The following ERO1B variants were observed in gnomAD, a reference collection of about 807,000 sequenced individuals.
ERO1B encodes the protein endoplasmic reticulum oxidoreductase 1 beta, also known as ERO1-like protein beta.
A neutral mutation model predicts 75.3 loss-of-function variants in ERO1B; 49 were observed. The ratio of observed to expected loss-of-function variants is 0.65; its 90% CI spans 0.52 to 0.83. The LOEUF is 0.83. ERO1B is among the 40% of genes least tolerant of loss of function. The pLI, the probability that ERO1B is intolerant of heterozygous loss-of-function variation, is 0.00. For missense variants in ERO1B, 512 were observed against 560.1 expected (o/e 0.91, Z 0.87); for synonymous variants, 191 against 192.9 (o/e 0.99, Z 0.08).
chr1:236,233,880 A>AG (rs1664476894), intron 8 of ERO1B, among the ~76,000 whole-genome samples: 1 of 152,260 alleles, frequency 6.6e-6, no homozygotes, highest in East Asian at 1.9e-4. Flanking sequence ...GGAGGCCTAG[A>AG]GGTGAGGAAG....
chr1:236,230,611 CAAAAAAAAAAA>C (rs397983348), intron 9 of ERO1B, among the ~76,000 whole-genome samples: 1 of 58,600 alleles, frequency 1.7e-5, no homozygotes, highest in East Asian at 3.9e-4. Flanking sequence ...GACCCTGTCT[CAAAAAAAAAAA>C]AAAAAAAAAA....
At chr1:236,222,061 G>T (rs368330068) in intron 13 of ERO1B, 51 bp from the exon 14 acceptor site, 1 of 1,344,160 alleles carries the variant, frequency 7.4e-7, no homozygotes, top group Non-Finnish European at 1.1e-6. Context: ...AAATTGAACC[G>T]CATTTGGCTA....
chr1:236,274,990 T>C (rs1342143862), intron 1 of ERO1B, among the ~76,000 whole-genome samples: 2 of 152,148 alleles, frequency 1.3e-5, no homozygotes, highest in Non-Finnish European at 2.9e-5. Flanking sequence ...GGGACAGCAT[T>C]CCAGGCATTG....
At chr1:236,273,347 C>T (rs1665639371) in intron 1 of ERO1B, among the ~76,000 whole-genome samples, 1 of 152,152 alleles carries the variant, frequency 6.6e-6, no homozygotes, top group African/African-American at 2.4e-5. Flanking sequence ...AGAATTCTGG[C>T]CCCCAGAACT....
At chr1:236,244,567 G>C (rs1028923684) in intron 5 of ERO1B, among the ~76,000 whole-genome samples, 2 of 152,158 alleles carry the variant, frequency 1.3e-5, no homozygotes, top group South Asian at 4.1e-4. Context: ...GTTGAAAGTA[G>C]TGAAGAACAA....
At chr1:236,240,165 A>C (rs959567295) in intron 6 of ERO1B, among the ~76,000 whole-genome samples, 1 of 152,116 alleles carries the variant, frequency 6.6e-6, no homozygotes, top group African/African-American at 2.4e-5. Flanking sequence ...TCAGCCTCCC[A>C]AAGTGCTGGG....
intron 2 of ERO1B, among the ~76,000 whole-genome samples, chr1:236,253,967 T>C (rs1665101199): frequency 1.3e-5 from 2 of 152,166 alleles, no homozygotes; most frequent in South Asian, 2.1e-4. Flanking sequence ...TCCAGAGAAC[T>C]GTAATAGTGA....
intron 11 of ERO1B, 25 bp downstream of exon 11, chr1:236,226,622 A>T: frequency 6.2e-7 from 1 of 1,601,752 alleles, no homozygotes; most frequent in South Asian, 1.1e-5. Context: ...TAGAAGGCAA[A>T]ATCTCGACTT....
chr1:236,267,917 A>G (rs1389646929), intron 2 of ERO1B: 2 of 152,072 alleles, frequency 1.3e-5, no homozygotes, highest in South Asian at 2.1e-4. Flanking sequence ...CACTCCTCGC[A>G]TCGACCTGGT....
At chr1:236,231,656 T>C (rs1002261239) in intron 9 of ERO1B, among the ~76,000 whole-genome samples, 2 of 151,892 alleles carry the variant, frequency 1.3e-5, no homozygotes, top group African/African-American at 2.4e-5. Context: ...TTGAGAATGA[T>C]AGAAATTATA....
At chr1:236,268,715 T>A (rs1331226132) in intron 2 of ERO1B, among the ~76,000 whole-genome samples, 1 of 151,056 alleles carries the variant, frequency 6.6e-6, no homozygotes, top group Non-Finnish European at 1.5e-5. Flanking sequence ...TGAAACCCCG[T>A]CTCTACTAAA....
At chr1:236,267,038 C>G (rs1317427399) in intron 2 of ERO1B, among the ~76,000 whole-genome samples, 1 of 152,222 alleles carries the variant, frequency 6.6e-6, no homozygotes, top group Non-Finnish European at 1.5e-5. Context: ...GAAACAATGA[C>G]TCCACTTTTA....
chr1:236,270,550 C>T (rs1665567604), intron 1 of ERO1B, among the ~76,000 whole-genome samples: 1 of 152,064 alleles, frequency 6.6e-6, no homozygotes, highest in Admixed American at 6.5e-5. Flanking sequence ...CCCAATCTAT[C>T]AGACTTTAAA....
chr1:236,233,309 C>CAAAAAA (rs747020101), intron 8 of ERO1B, among the ~76,000 whole-genome samples: 2 of 103,236 alleles, frequency 1.9e-5, no homozygotes, highest in African/African-American at 7.3e-5. Context: ...AATTCCGTCT[C>CAAAAAA]AAAAAAAAAA....
At chr1:236,274,039 A>G (rs1665659306) in intron 1 of ERO1B, among the ~76,000 whole-genome samples, 2 of 143,614 alleles carry the variant, frequency 1.4e-5, no homozygotes, top group African/African-American at 5.2e-5. Flanking sequence ...GCAAGAGCGC[A>G]GGATCACAGT....
At chr1:236,230,148 A>G (rs1163902883) in intron 10 of ERO1B, 76 bp downstream of exon 10, 23 of 1,218,740 alleles carry the variant, frequency 1.9e-5, no homozygotes, top group Non-Finnish European at 2.5e-5. Flanking sequence ...ATAAAATCCT[A>G]GACCTTACAA....
rs1664276231 is a variant in ERO1B, at chr1:236,226,283, G to T, written c.1038C>A (p.Ile346=). ...DADTKTLLLN[I]FQDTKSFPMH... is the part of the protein sequence containing the mutation. ...TCAATTCTTACTTTGTATCTTGAAAGATATTCAGTAGAAGAGTTTTTGTGT... is the reference window on the plus strand; with the variant it reads ...TCAATTCTTACTTTGTATCTTGAAATATATTCAGTAGAAGAGTTTTTGTGT... The change falls in exon 12 of 16, where the codon ATC becomes ATA. Residue 346 remains isoleucine (I), a synonymous_variant. Coordinates refer to ENST00000354619, the MANE Select transcript of ERO1B (RefSeq NM_019891.4). The T allele has an allele frequency of 6.2e-7, 1 of 1,613,374 alleles. No homozygotes were observed. The highest frequency in any genetic ancestry group is 1.7e-5 in the Admixed American group (1 of 59,854).
intron 14 of ERO1B, 169 bp downstream of exon 14, chr1:236,221,755 C>A: frequency 1.8e-6 from 1 of 567,416 alleles, no homozygotes; most frequent in Non-Finnish European, 3.1e-6. Context: ...CTTTCACATA[C>A]ATGTAACACA....
At chr1:236,253,296 C>T in intron 3 of ERO1B, 126 bp downstream of exon 3, 1 of 629,396 alleles carries the variant, frequency 1.6e-6, no homozygotes, top group South Asian at 2.0e-5. Context: ...AAGGAGAGAG[C>T]TGAGAGCATA....
Sources: gnomAD v4.1 joint callset for allele counts (sites outside exome capture counted in the v4.1 genomes callset) on GRCh38, gnomAD v4.1.1 for gene constraint, MANE v1.5 for transcripts, NCBI Gene and HGNC (gene_info 2026-07-23, HGNC 2026-07-21) for gene names.